Variants in MAPK10 observed in about 807,000 individuals in gnomAD.
MAPK10 encodes the protein JNK3 alpha protein kinase.
In MAPK10, 25 loss-of-function variants were observed where a neutral mutation model predicts 59.3. That is an observed-to-expected ratio of 0.42 (90% confidence interval 0.31 to 0.59). The LOEUF (loss-of-function observed/expected upper bound fraction) is 0.59. MAPK10 is among the 20% of genes least tolerant of loss of function. The pLI, the probability that MAPK10 is intolerant of heterozygous loss-of-function variation, is 0.15. For missense variants in MAPK10, 351 were observed against 568.9 expected (o/e 0.62, Z 3.90); for synonymous variants, 190 against 200.5 (o/e 0.95, Z 0.44).
At chr4:86,312,043 C>T (rs1365217655) in intron 2 of MAPK10, among the ~76,000 whole-genome samples, 2 of 152,058 alleles carry the variant, frequency 1.3e-5, no homozygotes, top group African/African-American at 2.4e-5. Flanking sequence ...AATGACAAAA[C>T]TAATAAACTC....
chr4:86,153,153 A>G (rs2066890378), intron 4 of MAPK10, among the ~76,000 whole-genome samples: 1 of 152,216 alleles, frequency 6.6e-6, no homozygotes, highest in Non-Finnish European at 1.5e-5. Flanking sequence ...AAAAATAAGA[A>G]CCAGCATCAC....
At chr4:86,423,762 TATATATACATATATATA>T (rs1746854145) in intron 1 of MAPK10, among the ~76,000 whole-genome samples, 1 of 57,484 alleles carries the variant, frequency 1.7e-5, no homozygotes, top group African/African-American at 4.7e-5. Flanking sequence ...ATTAGTGGGA[TATATATACATATATATA>T]TATATATATA....
At chr4:86,330,584 A>T (rs1216694878) in intron 2 of MAPK10, among the ~76,000 whole-genome samples, 12 of 152,128 alleles carry the variant, frequency 7.9e-5, no homozygotes, top group African/African-American at 2.9e-4. Context: ...TGGTTTTATA[A>T]GGGGCTTTTC....
At chr4:86,365,431 CAAAAAAAAAAAAAAAAAAAAAAA>C (rs70948789) in intron 1 of MAPK10, among the ~76,000 whole-genome samples, 3 of 32,438 alleles carry the variant, frequency 9.2e-5, no homozygotes, top group East Asian at 1.0e-3. Context: ...GACTCTGTCT[CAAAAAAAAAAAAAAAAAAAAAAA>C]AAAAAAAAAA....
At chr4:86,360,626 CAAAG>C (rs1316537084), upstream of MAPK10, among the ~76,000 whole-genome samples, 1 of 151,970 alleles carries the variant, frequency 6.6e-6, no homozygotes, top group African/African-American at 2.4e-5. Context: ...TCTGAGTGTA[CAAAG>C]AAAATACTGA....
intron 3 of MAPK10, among the ~76,000 whole-genome samples, chr4:86,180,593 AC>A (rs1320210464): frequency 6.6e-6 from 1 of 151,962 alleles, no homozygotes; most frequent in East Asian, 1.9e-4. Context: ...CATGGAATCA[AC>A]CTTAGGTGTC....
At chr4:86,487,559 C>T (rs997489180) in intron 1 of MAPK10, among the ~76,000 whole-genome samples, 1 of 151,866 alleles carries the variant, frequency 6.6e-6, no homozygotes, top group African/African-American at 2.4e-5. Context: ...GAAACCCCGT[C>T]TCTACTAAAA....
intron 4 of MAPK10, among the ~76,000 whole-genome samples, chr4:86,138,786 C>A (rs2062862635): frequency 1.3e-5 from 2 of 151,876 alleles, no homozygotes; most frequent in African/African-American, 4.8e-5. Context: ...TCTAGAAAAC[C>A]CCATTGTCTT....
chr4:86,177,525 A>C (rs184189558), intron 3 of MAPK10, among the ~76,000 whole-genome samples: 1 of 152,120 alleles, frequency 6.6e-6, no homozygotes, highest in African/African-American at 2.4e-5. Flanking sequence ...AGTTATTTTA[A>C]ATTCAAATTG....
intron 10 of MAPK10, among the ~76,000 whole-genome samples, chr4:86,066,728 G>A (rs1008315768): frequency 4.5e-5 from 6 of 132,010 alleles, no homozygotes; most frequent in East Asian, 4.5e-4. Flanking sequence ...TCGGTATCCC[G>A]GGCGACAGAG....
rs529138956 is a variant in MAPK10 at position 86,412,350 on chromosome 4, A to G, written c.-122+40680T>C. On this transcript the variant is annotated intron_variant, in intron 1 of 13. Transcript: ENST00000361569. Reference sequence around the variant, plus strand: ...CCTTTACATTTTTTCCTTCATTTCAACGTTGGTGAATCTGATGATTATGTG... The same window carrying G: ...CCTTTACATTTTTTCCTTCATTTCAGCGTTGGTGAATCTGATGATTATGTG... Among the ~76,000 whole-genome samples the G allele has an allele frequency of 5.9e-3, 900 of 151,980 alleles. 6 individuals are homozygous for G. The highest frequency in any genetic ancestry group is 0.02 in the African/African-American group (847 of 41,426).
At chr4:86,577,954 G>GTTAGTATT (rs1402799775) in intron 1 of MAPK10, among the ~76,000 whole-genome samples, 2 of 152,050 alleles carry the variant, frequency 1.3e-5, no homozygotes, top group African/African-American at 4.8e-5. Flanking sequence ...TAGGATTAAG[G>GTTAGTATT]TTAGTATTAA....
At chr4:86,457,995 C>T (rs955807629), upstream of MAPK10, 1 of 152,054 alleles carries the variant, frequency 6.6e-6, no homozygotes. Context: ...AAACTCATCT[C>T]TACTAAAAAA....
intron 4 of MAPK10, among the ~76,000 whole-genome samples, chr4:86,114,034 A>C: frequency 6.6e-6 from 1 of 152,078 alleles, no homozygotes; most frequent in East Asian, 1.9e-4. Flanking sequence ...TAAATTGTGA[A>C]GCTCTTGTTT....
At chr4:86,199,890 G>A (rs28613556) in intron 2 of MAPK10, among the ~76,000 whole-genome samples, 8,002 of 151,962 alleles carry the variant, frequency 0.053, 571 homozygotes, top group African/African-American at 0.16. Context: ...ATACTCTTGA[G>A]GAGAAATGCT....
intron 2 of MAPK10, among the ~76,000 whole-genome samples, chr4:86,333,361 TGAG>T (rs2096201327): frequency 6.6e-6 from 1 of 152,138 alleles, no homozygotes; most frequent in African/African-American, 2.4e-5. Flanking sequence ...TTCCCAGTCA[TGAG>T]GAGTTGAGAA....
chr4:86,040,571 TAAC>T (rs1364760864), intron 11 of MAPK10, among the ~76,000 whole-genome samples: 9 of 152,132 alleles, frequency 5.9e-5, no homozygotes, highest in African/African-American at 2.2e-4. Context: ...AAGGAAATAA[TAAC>T]AGAAATGTTT....
intron 4 of MAPK10, among the ~76,000 whole-genome samples, chr4:86,139,508 C>T (rs934369529): frequency 1.1e-4 from 16 of 151,682 alleles, no homozygotes; most frequent in African/African-American, 3.6e-4. Context: ...GGATCCCTTC[C>T]TTACACCTTA....
chr4:86,423,792 T>TATATATATATATATATATATATAG, intron 1 of MAPK10, among the ~76,000 whole-genome samples: 1 of 145,068 alleles, frequency 6.9e-6, no homozygotes, highest in Non-Finnish European at 1.5e-5. Flanking sequence ...TATATATATA[T>TATATATATATATATATATATATAG]ATATGTTTAG....
Sources: gnomAD v4.1 joint callset for allele counts (sites outside exome capture counted in the v4.1 genomes callset) on GRCh38, gnomAD v4.1.1 for gene constraint, MANE v1.5 for transcripts, NCBI Gene and HGNC (gene_info 2026-07-23, HGNC 2026-07-21) for gene names.